Variants in MCTP1 observed in about 807,000 individuals in gnomAD.
MCTP1 encodes the protein multiple C2 and transmembrane domain containing 1.
MCTP1 carries 69 observed loss-of-function variants against 120.6 expected under a neutral mutation model. The observed-to-expected ratio is 0.57, with a 90% CI of 0.47 to 0.70. The LOEUF (loss-of-function observed/expected upper bound fraction) is 0.70. MCTP1 is among the 30% of genes least tolerant of loss of function. The pLI, the probability that MCTP1 is intolerant of heterozygous loss-of-function variation, is 0.00. For synonymous variants in MCTP1, 529 were observed against 493.1 expected (o/e 1.07, Z -0.96); for missense variants, 1,203 against 1,248.8 (o/e 0.96, Z 0.55).
intron 1 of MCTP1, among the ~76,000 whole-genome samples, chr5:95,154,746 C>G (rs1361136884): frequency 6.6e-6 from 1 of 151,856 alleles, no homozygotes; most frequent in East Asian, 1.9e-4. Flanking sequence ...TAAAACTAGA[C>G]TATCGAAAAA....
chr5:94,814,980 A>G (rs190186444), intron 17 of MCTP1, among the ~76,000 whole-genome samples: 19 of 152,270 alleles, frequency 1.2e-4, no homozygotes, highest in African/African-American at 3.9e-4. Flanking sequence ...TACCTATAGT[A>G]CCACCTATCA....
chr5:95,220,301 TAA>T (rs1454469663), intron 1 of MCTP1, among the ~76,000 whole-genome samples: 2 of 151,596 alleles, frequency 1.3e-5, no homozygotes, highest in African/African-American at 4.8e-5. Flanking sequence ...ATCTGTACAT[TAA>T]GTCATCAACC....
intron 18 of MCTP1, among the ~76,000 whole-genome samples, chr5:94,795,308 G>A (rs1779781972): frequency 1.3e-5 from 2 of 152,146 alleles, no homozygotes; most frequent in South Asian, 4.1e-4. Flanking sequence ...CCAACCCATT[G>A]ACTGGGCTAA....
intron 1 of MCTP1, among the ~76,000 whole-genome samples, chr5:95,158,928 T>C (rs1562192382): frequency 6.6e-6 from 1 of 152,068 alleles, no homozygotes; most frequent in Non-Finnish European, 1.5e-5. Flanking sequence ...CTCAAAATAA[T>C]AAAAAGCAAA....
At chr5:95,076,088 A>G (rs1489794960) in intron 1 of MCTP1, among the ~76,000 whole-genome samples, 1 of 152,178 alleles carries the variant, frequency 6.6e-6, no homozygotes, top group Non-Finnish European at 1.5e-5. Flanking sequence ...TTTTCTATAC[A>G]TATATACCTA....
intron 19 of MCTP1, among the ~76,000 whole-genome samples, chr5:94,773,240 T>C (rs780763254): frequency 1.3e-5 from 2 of 152,182 alleles, no homozygotes; most frequent in Non-Finnish European, 2.9e-5. Context: ...AAATGGGACA[T>C]ATTATACTGT....
chr5:94,922,186 A>G (rs1811835863), intron 7 of MCTP1, among the ~76,000 whole-genome samples: 1 of 152,178 alleles, frequency 6.6e-6, no homozygotes, highest in Non-Finnish European at 1.5e-5. Context: ...TTATTTTTAA[A>G]CTTGCACATT....
intron 1 of MCTP1, chr5:95,081,830 TC>T: frequency 9.8e-7 from 1 of 1,025,618 alleles, no homozygotes; most frequent in Non-Finnish European, 1.2e-6. Context: ...ACCTGCTAAA[TC>T]AAACATGCAG....
At chr5:95,009,891 A>G (rs1835570910) in intron 2 of MCTP1, among the ~76,000 whole-genome samples, 1 of 152,154 alleles carries the variant, frequency 6.6e-6, no homozygotes, top group Admixed American at 6.5e-5. Context: ...TAGGTGTAGA[A>G]ATGGAAGAAT....
At chr5:95,249,942 G>A (rs562515308) in intron 1 of MCTP1, among the ~76,000 whole-genome samples, 9 of 152,228 alleles carry the variant, frequency 5.9e-5, no homozygotes, top group South Asian at 2.1e-4. Flanking sequence ...TCACTCATAC[G>A]TGGGAGTTGA....
intron 1 of MCTP1, among the ~76,000 whole-genome samples, chr5:95,277,858 T>G (rs775660949): frequency 7.2e-5 from 11 of 152,158 alleles, no homozygotes; most frequent in Non-Finnish European, 1.5e-4. Context: ...TCGAAAAGAC[T>G]TCACTGAAGA....
intron 1 of MCTP1, among the ~76,000 whole-genome samples, chr5:95,187,675 C>T (rs1247842312): frequency 6.6e-6 from 1 of 152,146 alleles, no homozygotes; most frequent in Non-Finnish European, 1.5e-5. Flanking sequence ...GCTGGGATTA[C>T]AGGCGTGAGC....
At position 94,974,650 on chromosome 5, in the gene MCTP1, TAC is replaced by T. The variant is rs568803404; in HGVS notation, c.839-21291_839-21290del. Among the ~76,000 whole-genome samples the T allele has an allele frequency of 1.2e-4, 19 of 152,166 alleles. No homozygotes were observed. The South Asian group carries it at 3.5e-3, about 28-fold the overall frequency. Reference sequence around the variant, plus strand: ...TCAAGAGAAAAAGCCTATAATTAATTACAAATATTATATAAATAAACCTAAGT... The same window carrying T: ...TCAAGAGAAAAAGCCTATAATTAATTAAATATTATATAAATAAACCTAAGT... On this transcript the variant is annotated intron_variant, in intron 2 of 22. Coordinates refer to ENST00000515393, the MANE Select transcript of MCTP1 (RefSeq NM_024717.7).
At chr5:95,237,975 T>C (rs1755736247) in intron 1 of MCTP1, among the ~76,000 whole-genome samples, 1 of 152,030 alleles carries the variant, frequency 6.6e-6, no homozygotes. Context: ...AACTGACATA[T>C]GGATCTGAAT....
intron 2 of MCTP1, among the ~76,000 whole-genome samples, chr5:94,993,442 G>A (rs1053110707): frequency 2.6e-5 from 4 of 151,948 alleles, no homozygotes; most frequent in African/African-American, 9.7e-5. Flanking sequence ...TTTTTCCCAG[G>A]ACTATTTTCT....
chr5:95,016,094 CCAGA>C (rs1837056654), intron 2 of MCTP1, among the ~76,000 whole-genome samples: 1 of 152,088 alleles, frequency 6.6e-6, no homozygotes, highest in African/African-American at 2.4e-5. Flanking sequence ...AGCTACTAAA[CCAGA>C]CAGTTATTTT....
chr5:95,066,590 A>C (rs1404699607), intron 1 of MCTP1, among the ~76,000 whole-genome samples: 1 of 152,186 alleles, frequency 6.6e-6, no homozygotes, highest in East Asian at 1.9e-4. Flanking sequence ...AATCAACCTA[A>C]GTGTCCGTCA....
At chr5:94,988,072 A>G (rs1460433193) in intron 2 of MCTP1, among the ~76,000 whole-genome samples, 1 of 152,198 alleles carries the variant, frequency 6.6e-6, no homozygotes, top group Non-Finnish European at 1.5e-5. Flanking sequence ...CAGAATGATC[A>G]CATTCAAATT....
At chr5:94,813,524 T>C (rs895060247) in intron 17 of MCTP1, among the ~76,000 whole-genome samples, 3 of 152,208 alleles carry the variant, frequency 2.0e-5, no homozygotes, top group African/African-American at 4.8e-5. Flanking sequence ...CATTGCAGCA[T>C]TATTCATGTT....
Sources: gnomAD v4.1 joint callset for allele counts (sites outside exome capture counted in the v4.1 genomes callset) on GRCh38, gnomAD v4.1.1 for gene constraint, MANE v1.5 for transcripts, NCBI Gene and HGNC (gene_info 2026-07-23, HGNC 2026-07-21) for gene names.